The following PRPF6 variants were observed in gnomAD, a reference collection of about 807,000 sequenced individuals.
PRPF6 encodes the protein pre-mRNA-processing factor 6.
A neutral mutation model predicts 118.3 loss-of-function variants in PRPF6; 42 were observed. The observed-to-expected ratio is 0.35, with a 90% CI of 0.28 to 0.46. The LOEUF is 0.46. Among genes scored for constraint, PRPF6 ranks in the 20% least tolerant of loss-of-function variants. The probability of loss-of-function intolerance (pLI) is 1.00; values close to 1 mark genes in which losing one functional copy is unlikely to be tolerated. For missense variants in PRPF6, 662 were observed against 1,255.7 expected (o/e 0.53, Z 7.15); for synonymous variants, 481 against 485.1 (o/e 0.99, Z 0.11).
At chr20:64,019,242 G>C (rs1227988590) in intron 12 of PRPF6, among the ~76,000 whole-genome samples, 1 of 151,764 alleles carries the variant, frequency 6.6e-6, no homozygotes, top group Non-Finnish European at 1.5e-5. Context: ...GAGTAGCTGG[G>C]ACTACAGGTG....
At chr20:63,985,257 G>A (rs1194732833) in intron 3 of PRPF6, among the ~76,000 whole-genome samples, 2 of 151,962 alleles carry the variant, frequency 1.3e-5, no homozygotes, top group Non-Finnish European at 2.9e-5. Flanking sequence ...TACTTGGGTG[G>A]CTGAGGTGGA....
chr20:64,028,591 G>T lies in PRPF6; in HGVS notation c.2431+22G>T, dbSNP rs747031047. On this transcript the variant is annotated intron_variant, in intron 18 of 20. Transcript: ENST00000266079. The surrounding 1 kb of genome is among the most constrained non-coding windows in gnomAD (Gnocchi z 6.5). ...TCCGGTAAGGGGGTGCCCCGACTCC[G>T]GTAAGGGGGTGCCCTGACTCCGGTA... The T allele has an allele frequency of 1.9e-6, 3 of 1,608,000 alleles. No homozygotes were observed. Among genetic ancestry groups the T allele is most frequent in the Non-Finnish European group, 2.5e-6 (3 of 1,178,030 alleles).
At position 64,026,207 on chromosome 20, in the gene PRPF6, CATGTGGCCGGGCG is replaced by C; in HGVS notation, c.2028+150_2028+162del. 6.9e-7 allele frequency: 1 copy of C among 1,445,956 alleles called. No homozygotes were observed. The allele number at this position is 1,445,956 out of a possible 1,614,324, so 89.6% of individuals were successfully genotyped here. A position where few individuals can be genotyped will look rare whatever the true frequency, so the allele number is the denominator to read the frequency against. ...ATCTTTGTGATGTGACTAAAACATT[CATGTGGCCGGGCG>C]TGGTGGCCGGGCGCGGTGGCTCACG... On this transcript the variant is annotated intron_variant, in intron 15 of 20. Transcript: ENST00000266079. This position sits in a 1 kb window ranked among gnomAD's most constrained non-coding sequence, Gnocchi z 4.4.
In PRPF6 at chr20:64,027,754, C is replaced by G; in HGVS notation, c.2339+18C>G. 6.2e-7 allele frequency: 1 copy of G among 1,613,372 alleles called. No individual in the cohort carries two copies. The highest frequency in any genetic ancestry group is 8.5e-7 in the Non-Finnish European group (1 of 1,179,926). On this transcript the variant is annotated intron_variant, in intron 17 of 20. Transcript: ENST00000266079. The surrounding 1 kb of genome is among the most constrained non-coding windows in gnomAD (Gnocchi z 6.5). Reference sequence around the variant, plus strand: ...GGGCTGTGGTGAGTCCTGGAGGGGGCAGCCTGGCCTCTGGGCACAGCTTCC... The same window carrying G: ...GGGCTGTGGTGAGTCCTGGAGGGGGGAGCCTGGCCTCTGGGCACAGCTTCC...
At chr20:64,006,552 C>T (rs1487257980) in intron 9 of PRPF6, among the ~76,000 whole-genome samples, 1 of 152,058 alleles carries the variant, frequency 6.6e-6, no homozygotes, top group Non-Finnish European at 1.5e-5. Flanking sequence ...GAACTCCTGA[C>T]CTCATGATCC....
In PRPF6 at chr20:64,027,587, T is replaced by C; in HGVS notation, c.2206-16T>C. On this transcript the variant is annotated splice_polypyrimidine_tract_variant and intron_variant, in intron 16 of 20. Coordinates refer to ENST00000266079, the MANE Select transcript of PRPF6 (RefSeq NM_012469.4). This position sits in a 1 kb window ranked among gnomAD's most constrained non-coding sequence, Gnocchi z 6.5. ...ATAGACACCACCTGAGCTGCTCTCT[T>C]ACTTGTTGGTTGCAGTTGAAGAAGT... 6.2e-7 allele frequency: 1 copy of C among 1,614,092 alleles called. No individual in the cohort carries two copies. The highest frequency in any genetic ancestry group is 1.1e-5 in the South Asian group (1 of 91,080).
intron 3 of PRPF6, among the ~76,000 whole-genome samples, chr20:63,988,230 G>GA (rs2059103192): frequency 1.3e-5 from 2 of 151,902 alleles, no homozygotes; most frequent in South Asian, 4.1e-4. Context: ...TGAGGCAAGA[G>GA]AATTGCTTGA....
rs148949407 is a variant in PRPF6, at chr20:63,983,235, C to T, written c.240+20C>T. The stretch of plus-strand genomic sequence containing the variant: ...GATGAGGTGAGATGTGTCCGGCTTT[C>T]GTGGCTCCTCCAGCCAGTCTCTGGG... On this transcript the variant is annotated intron_variant, in intron 2 of 20. Transcript: ENST00000266079. The T allele has an allele frequency of 4.3e-5, 70 of 1,614,024 alleles. No individual in the cohort carries two copies. The African/African-American group carries it at 7.9e-4, about 18-fold the overall frequency.
At chr20:64,019,575 G>A (rs2059253907) in intron 12 of PRPF6, among the ~76,000 whole-genome samples, 1 of 152,176 alleles carries the variant, frequency 6.6e-6, no homozygotes, top group African/African-American at 2.4e-5. Context: ...GGGTGTTCAG[G>A]CCACTCTCGG....
intron 12 of PRPF6, 38 bp from the exon 13 acceptor site, chr20:64,022,719 T>C: frequency 6.2e-7 from 1 of 1,613,712 alleles, no homozygotes; most frequent in East Asian, 2.2e-5. Context: ...CTGTGGCCAG[T>C]GCTGGGCTGC....
chr20:63,994,781 A>C, intron 4 of PRPF6, 135 bp from the exon 5 acceptor site: 1 of 1,174,278 alleles, frequency 8.5e-7, no homozygotes. Context: ...AACAAAAGTA[A>C]AAAACAGTTG....
intron 3 of PRPF6, among the ~76,000 whole-genome samples, chr20:63,986,991 A>T (rs111827649): frequency 0.011 from 1,697 of 151,170 alleles, 40 homozygotes; most frequent in African/African-American, 0.039. Context: ...CAAGAGGGTA[A>T]TACCTTTTCT....
At chr20:64,030,983 C>T (rs2059311549) in intron 19 of PRPF6, among the ~76,000 whole-genome samples, 1 of 152,258 alleles carries the variant, frequency 6.6e-6, no homozygotes, top group African/African-American at 2.4e-5. Flanking sequence ...CCAGCATGCT[C>T]AGCAGCCAGC....
At chr20:64,006,081 T>C (rs2059188594) in intron 9 of PRPF6, among the ~76,000 whole-genome samples, 1 of 152,156 alleles carries the variant, frequency 6.6e-6, no homozygotes, top group South Asian at 2.1e-4. Flanking sequence ...TTGGTAGTTT[T>C]GCTTTTTTGG....
chr20:63,985,892 A>G (rs768683581), intron 3 of PRPF6, among the ~76,000 whole-genome samples: 1 of 152,178 alleles, frequency 6.6e-6, no homozygotes, highest in Non-Finnish European at 1.5e-5. Context: ...AATACTTCCA[A>G]ACTTATTCTA....
intron 12 of PRPF6, among the ~76,000 whole-genome samples, chr20:64,019,162 G>A (rs983850503): frequency 6.9e-6 from 1 of 145,358 alleles, no homozygotes; most frequent in Admixed American, 7.1e-5. Flanking sequence ...CCAGTGGCAC[G>A]ATCTTGGCTC....
chr20:64,010,893 A>G (rs1346773791), intron 10 of PRPF6, among the ~76,000 whole-genome samples: 1 of 152,144 alleles, frequency 6.6e-6, no homozygotes, highest in Non-Finnish European at 1.5e-5. Flanking sequence ...CATCTTAGGG[A>G]TGGAATGCTG....
Position 64,026,830 on chromosome 20 carries a change from A to G in PRPF6, c.2029-152A>G. On this transcript the variant is annotated intron_variant, in intron 15 of 20. Transcript: ENST00000266079. The surrounding 1 kb of genome is among the most constrained non-coding windows in gnomAD (Gnocchi z 4.4). ...AAAACAAAACAAAACAAAAACATAT[A>G]TTTATCCCCACCTTTTGTGTACACA... 1.2e-6 allele frequency: 1 copy of G among 808,692 alleles called. No individual in the cohort carries two copies. The highest frequency in any genetic ancestry group is 2.0e-6 in the Non-Finnish European group (1 of 493,346). 50.1% of individuals were successfully genotyped at this position (808,692 alleles called of 1,614,324 possible). A position where few individuals can be genotyped will look rare whatever the true frequency, so the allele number is the denominator to read the frequency against.
At chr20:64,004,748 G>T (rs945366692) in intron 9 of PRPF6, among the ~76,000 whole-genome samples, 2 of 152,160 alleles carry the variant, frequency 1.3e-5, no homozygotes, top group Non-Finnish European at 2.9e-5. Flanking sequence ...TCCTGGCCAG[G>T]GTGGGGTGTC....
Sources: gnomAD v4.1 joint callset for allele counts (sites outside exome capture counted in the v4.1 genomes callset) on GRCh38, gnomAD v4.1.1 for gene constraint, Gnocchi (gnomAD v3.1) non-coding constraint, MANE v1.5 for transcripts, NCBI Gene and HGNC (gene_info 2026-07-23, HGNC 2026-07-21) for gene names.